TBC1D12: variants seen among roughly 807,000 people sequenced by gnomAD.
TBC1D12 encodes TBC1 domain family member 12, also known as TBC1 domain family, member 12.
A neutral mutation model predicts 86.7 loss-of-function variants in TBC1D12; 56 were observed. The ratio of observed to expected loss-of-function variants is 0.65; its 90% CI spans 0.52 to 0.81. The LOEUF is 0.81. Among genes scored for constraint, TBC1D12 ranks in the 30% least tolerant of loss-of-function variants. The pLI is 0.00. For synonymous variants in TBC1D12, 421 were observed against 411.7 expected (o/e 1.02, Z -0.27); for missense variants, 1,023 against 1,038.8 (o/e 0.98, Z 0.21).
Position 94,403,392 on chromosome 10 carries a change from C to T in TBC1D12, c.779C>T (p.Ala260Val). 3.2e-6 allele frequency: 5 copies of T among 1,544,920 alleles called. No individual in the cohort carries two copies. Among genetic ancestry groups the T allele is most frequent in the East Asian group, 2.5e-5 (1 of 39,780 alleles). ...ATSAERTNGG[A>V]EPRLGFSDIH... The stretch of plus-strand genomic sequence containing the variant: ...TCGGCCGAGAGGACTAATGGGGGTG[C>T]GGAGCCGCGCCTGGGCTTTTCTGAC... The change falls in exon 1 of 13, where the codon GCG becomes GTG. Residue 260 changes from alanine to valine, a missense_variant. By Grantham distance (64) the Ala-to-Val change is moderately conservative (BLOSUM62 0). This residue lies in a region of TBC1D12 where 628 missense variants were observed against 531.1 expected (regional missense o/e 1.18). Coordinates refer to ENST00000225235, the MANE Select transcript of TBC1D12 (RefSeq NM_015188.2).
chr10:94,422,276 G>A (rs919076670), intron 1 of TBC1D12, among the ~76,000 whole-genome samples: 72 of 137,524 alleles, frequency 5.2e-4, no homozygotes, highest in African/African-American at 1.9e-3. Flanking sequence ...TGCAACCTCC[G>A]CCTCCCGGGT....
intron 3 of TBC1D12, among the ~76,000 whole-genome samples, chr10:94,491,444 C>A (rs183897979): frequency 6.6e-6 from 1 of 152,212 alleles, no homozygotes; most frequent in African/African-American, 2.4e-5. Flanking sequence ...TTTCTTTTTG[C>A]ATTTTTTATA....
chr10:94,502,094 A>T (rs1011112777), intron 6 of TBC1D12, among the ~76,000 whole-genome samples: 2 of 152,042 alleles, frequency 1.3e-5, no homozygotes, highest in African/African-American at 4.8e-5. Flanking sequence ...GCACTTTGGG[A>T]GGCCAACGCG....
intron 3 of TBC1D12, among the ~76,000 whole-genome samples, chr10:94,484,562 A>G (rs983289432): frequency 6.6e-6 from 1 of 152,166 alleles, no homozygotes; most frequent in African/African-American, 2.4e-5. Flanking sequence ...TTTGCTCAAA[A>G]TAGCTTTGGC....
intron 11 of TBC1D12, among the ~76,000 whole-genome samples, chr10:94,526,042 G>C (rs1842279738): frequency 6.6e-6 from 1 of 152,054 alleles, no homozygotes; most frequent in Non-Finnish European, 1.5e-5. Flanking sequence ...CCTCCTATGT[G>C]GCTGTAATTT....
At chr10:94,477,386 A>G (rs1459343839) in intron 3 of TBC1D12, among the ~76,000 whole-genome samples, 2 of 152,206 alleles carry the variant, frequency 1.3e-5, no homozygotes, top group Non-Finnish European at 2.9e-5. Context: ...TTAATCACTT[A>G]TTTCTTCTTC....
intron 3 of TBC1D12, among the ~76,000 whole-genome samples, chr10:94,485,113 C>G (rs762822180): frequency 2.3e-4 from 35 of 152,164 alleles, no homozygotes; most frequent in Non-Finnish European, 4.6e-4. Flanking sequence ...ATTGCTCTAG[C>G]TAGGACTTGC....
chr10:94,450,689 A>G (rs2055536952), intron 2 of TBC1D12, among the ~76,000 whole-genome samples: 1 of 152,134 alleles, frequency 6.6e-6, no homozygotes, highest in Non-Finnish European at 1.5e-5. Context: ...GGAAATCAGT[A>G]TATCAAGGAG....
intron 2 of TBC1D12, among the ~76,000 whole-genome samples, chr10:94,454,484 T>G (rs1019601210): frequency 2.6e-5 from 4 of 152,248 alleles, no homozygotes; most frequent in Non-Finnish European, 5.9e-5. Flanking sequence ...GTGCTGAGAT[T>G]ACAGGCGTGA....
At chr10:94,491,262 C>G (rs1460980243) in intron 3 of TBC1D12, among the ~76,000 whole-genome samples, 1 of 152,054 alleles carries the variant, frequency 6.6e-6, no homozygotes, top group Non-Finnish European at 1.5e-5. Context: ...TTATTCCTCC[C>G]TCCTACAACC....
At chr10:94,484,518 G>T (rs553889895) in intron 3 of TBC1D12, among the ~76,000 whole-genome samples, 2 of 152,206 alleles carry the variant, frequency 1.3e-5, no homozygotes, top group African/African-American at 4.8e-5. Flanking sequence ...GGGATTACAG[G>T]CGTGAGCCAC....
Position 94,534,234 on chromosome 10 carries a change from C to G in TBC1D12, c.*1138C>G, listed in dbSNP as rs1842499721. On this transcript the variant is annotated 3_prime_UTR_variant, in exon 13 of 13. Coordinates refer to ENST00000225235, the MANE Select transcript of TBC1D12 (RefSeq NM_015188.2). The stretch of plus-strand genomic sequence containing the variant: ...TGATTCTTTTATGTGTCAGTGCCAT[C>G]TTAATCTCTTCACATGGTACACTAA... 1 of 152,156 alleles carries G rather than the reference C, an allele frequency of 6.6e-6. No individual in the cohort carries two copies. The allele number at this position is 152,156 out of a possible 1,614,324, so 9.4% of individuals were successfully genotyped here. A position where few individuals can be genotyped will look rare whatever the true frequency, so the allele number is the denominator to read the frequency against.
chr10:94,410,573 T>C (rs1007788316), intron 1 of TBC1D12, among the ~76,000 whole-genome samples: 2 of 152,108 alleles, frequency 1.3e-5, no homozygotes, highest in Non-Finnish European at 2.9e-5. Context: ...TCTTGACATA[T>C]TACTGTGACC....
At chr10:94,490,033 A>C (rs1045249979) in intron 3 of TBC1D12, among the ~76,000 whole-genome samples, 1 of 152,212 alleles carries the variant, frequency 6.6e-6, no homozygotes, top group African/African-American at 2.4e-5. Context: ...AGATCACCTG[A>C]GGTCAGGAGT....
intron 1 of TBC1D12, among the ~76,000 whole-genome samples, 178 bp from the exon 2 acceptor site, chr10:94,441,718 A>T (rs2055384908): frequency 6.6e-6 from 1 of 152,204 alleles, no homozygotes; most frequent in Non-Finnish European, 1.5e-5. Context: ...ATTAGGTATT[A>T]AGCTACATAT....
In TBC1D12 at chr10:94,510,295, G is replaced by A. The variant is rs2056511007; in HGVS notation, c.1689+116G>A. 1.3e-5 allele frequency: 8 copies of A among 613,886 alleles called. No homozygotes were observed. In the South Asian group the frequency reaches 2.2e-4, roughly 17 times the overall value. The allele number at this position is 613,886 out of a possible 1,614,324, so 38.0% of individuals were successfully genotyped here. A position where few individuals can be genotyped will look rare whatever the true frequency, so the allele number is the denominator to read the frequency against. On this transcript the variant is annotated intron_variant, in intron 8 of 12. Transcript: ENST00000225235. ...AAAAAGGCAAAACTATAGAAATTGG[G>A]GACCCTGTATAAAAAGTGTAAAACT...
At chr10:94,430,050 C>T (rs1224549623) in intron 1 of TBC1D12, among the ~76,000 whole-genome samples, 1 of 151,904 alleles carries the variant, frequency 6.6e-6, no homozygotes, top group Non-Finnish European at 1.5e-5. Flanking sequence ...AGTATTCTAT[C>T]CCCCCACCCC....
chr10:94,493,012 C>T (rs987102401), intron 3 of TBC1D12, among the ~76,000 whole-genome samples: 3 of 152,112 alleles, frequency 2.0e-5, no homozygotes, highest in Admixed American at 6.5e-5. Flanking sequence ...AATCCCAGCA[C>T]TTTGGGAGGC....
chr10:94,438,985 G>T (rs1050117442), intron 1 of TBC1D12, among the ~76,000 whole-genome samples: 1 of 151,830 alleles, frequency 6.6e-6, no homozygotes, highest in Non-Finnish European at 1.5e-5. Context: ...TGTATTTTTA[G>T]TGGAGACAGG....
Sources: gnomAD v4.1 joint callset for allele counts (sites outside exome capture counted in the v4.1 genomes callset) on GRCh38, gnomAD v4.1.1 for gene constraint, gnomAD v4.1.1 regional missense constraint, MANE v1.5 for transcripts, NCBI Gene and HGNC (gene_info 2026-07-23, HGNC 2026-07-21) for gene names.